ANKRD55: variants seen among roughly 807,000 people sequenced by gnomAD.
ANKRD55 encodes ankyrin repeat domain 55.
A neutral mutation model predicts 60.6 loss-of-function variants in ANKRD55; 41 were observed. The observed-to-expected ratio is 0.68, with a 90% CI of 0.53 to 0.88. The LOEUF (loss-of-function observed/expected upper bound fraction) is 0.88, where lower values mean the gene tolerates loss of function less well. Among genes scored for constraint, ANKRD55 ranks in the 40% least tolerant of loss-of-function variants. The pLI is 0.00. For missense variants in ANKRD55, 732 were observed against 767.6 expected (o/e 0.95, Z 0.55); for synonymous variants, 264 against 290.3 (o/e 0.91, Z 0.92).
At chr5:56,186,243 C>T (rs1158396710) in intron 2 of ANKRD55, among the ~76,000 whole-genome samples, 1 of 152,196 alleles carries the variant, frequency 6.6e-6, no homozygotes, top group African/African-American at 2.4e-5. Context: ...TCTTGGCTCA[C>T]TGCAGCCTTG....
chr5:56,188,354 C>A (rs1484212102), intron 2 of ANKRD55, among the ~76,000 whole-genome samples: 5 of 141,604 alleles, frequency 3.5e-5, no homozygotes, highest in African/African-American at 1.4e-4. Context: ...CGCAACCCCG[C>A]CACCCCCCTA....
At chr5:56,102,023 A>T (rs1035894922) in intron 11 of ANKRD55, among the ~76,000 whole-genome samples, 2 of 151,190 alleles carry the variant, frequency 1.3e-5, no homozygotes, top group African/African-American at 4.8e-5. Context: ...TAAGCATTTA[A>T]AAAAAAGCTT....
chr5:56,140,090 T>C (rs1461408348), intron 7 of ANKRD55, among the ~76,000 whole-genome samples: 1 of 152,182 alleles, frequency 6.6e-6, no homozygotes, highest in African/African-American at 2.4e-5. Flanking sequence ...TTCAATGAAC[T>C]ATAGCTTTAA....
chr5:56,222,942 C>G (rs1760006101), intron 2 of ANKRD55, among the ~76,000 whole-genome samples: 1 of 152,164 alleles, frequency 6.6e-6, no homozygotes, highest in Non-Finnish European at 1.5e-5. Context: ...GGATATTATC[C>G]AGGAGAACGT....
intron 8 of ANKRD55, among the ~76,000 whole-genome samples, chr5:56,118,825 C>A (rs1308116319): frequency 6.6e-6 from 1 of 151,930 alleles, no homozygotes; most frequent in East Asian, 1.9e-4. Context: ...AAATTAAAAC[C>A]ACAATGAAAT....
chr5:56,158,659 A>C (rs1758253583), intron 6 of ANKRD55, among the ~76,000 whole-genome samples: 1 of 152,132 alleles, frequency 6.6e-6, no homozygotes, highest in African/African-American at 2.4e-5. Context: ...GGTAACCCGG[A>C]ATTATTAATA....
intron 10 of ANKRD55, among the ~76,000 whole-genome samples, chr5:56,109,038 A>AACACACACACACAAACAC (rs1756583693): frequency 7.0e-6 from 1 of 143,878 alleles, no homozygotes; most frequent in African/African-American, 2.7e-5. Flanking sequence ...TCTGTCTCAA[A>AACACACACACACAAACAC]ACACACACAC....
chr5:56,187,929 T>G (rs1047438021), intron 2 of ANKRD55, among the ~76,000 whole-genome samples: 2 of 152,130 alleles, frequency 1.3e-5, no homozygotes, highest in Non-Finnish European at 2.9e-5. Context: ...TAACAATATC[T>G]TGGTCCACAA....
intron 10 of ANKRD55, among the ~76,000 whole-genome samples, chr5:56,106,088 C>T (rs1756456676): frequency 6.6e-6 from 1 of 152,164 alleles, no homozygotes; most frequent in Non-Finnish European, 1.5e-5. Context: ...ATAATCATTA[C>T]AGCTAAATGT....
intron 8 of ANKRD55, among the ~76,000 whole-genome samples, chr5:56,118,399 G>A (rs550163711): frequency 1.1e-4 from 16 of 152,302 alleles, no homozygotes; most frequent in African/African-American, 3.4e-4. Context: ...GCCAAGGCAG[G>A]TGGATCACAA....
intron 4 of ANKRD55, among the ~76,000 whole-genome samples, chr5:56,175,597 G>A (rs1224886268): frequency 6.6e-6 from 1 of 152,140 alleles, no homozygotes; most frequent in Non-Finnish European, 1.5e-5. Flanking sequence ...CTAGTATTAT[G>A]ACACAGTTGT....
At chr5:56,106,883 G>A (rs1364552852) in intron 10 of ANKRD55, among the ~76,000 whole-genome samples, 1 of 151,976 alleles carries the variant, frequency 6.6e-6, no homozygotes, top group Non-Finnish European at 1.5e-5. Flanking sequence ...AGGAGGAGAT[G>A]TGTCTGTAGT....
At chr5:56,192,464 C>A (rs1759121249) in intron 2 of ANKRD55, 1 of 212,348 alleles carries the variant, frequency 4.7e-6, no homozygotes, top group Admixed American at 6.0e-5. Context: ...AAGCAAAAGT[C>A]GCCGGTCCCA....
chr5:56,124,504 T>A (rs73126481), intron 8 of ANKRD55, among the ~76,000 whole-genome samples: 2 of 152,176 alleles, frequency 1.3e-5, no homozygotes, highest in South Asian at 4.1e-4. Flanking sequence ...CTATTTATTT[T>A]TGTTTTTTTT....
intron 2 of ANKRD55, among the ~76,000 whole-genome samples, chr5:56,219,490 C>A (rs776073236): frequency 1.3e-5 from 2 of 151,990 alleles, no homozygotes; most frequent in Non-Finnish European, 2.9e-5. Context: ...AAAGAGAAAA[C>A]AAAGAGCCCT....
At chr5:56,222,685 C>A (rs957766658) in intron 2 of ANKRD55, among the ~76,000 whole-genome samples, 21 of 152,292 alleles carry the variant, frequency 1.4e-4, no homozygotes, top group African/African-American at 5.1e-4. Context: ...AAAACCAAGG[C>A]ACGAGAACTA....
In ANKRD55 at chr5:56,102,536, G is replaced by GA; in HGVS notation, c.1680dup (p.Pro561SerfsTer44). ...GGAGCTAGGTTGTTCCGAGTGAAAG[G>GA]AAGATCCCTGATTTTGTGTCTGTTT... On this transcript the variant is annotated frameshift_variant, in exon 11 of 12. Transcript: ENST00000341048. LOFTEE classifies it low-confidence loss of function (END_TRUNC). 6.2e-7 allele frequency: 1 copy of GA among 1,613,802 alleles called. No individual in the cohort carries two copies. The highest frequency in any genetic ancestry group is 2.2e-5 in the East Asian group (1 of 44,842).
chr5:56,192,311 T>A (rs1454242309), intron 2 of ANKRD55, among the ~76,000 whole-genome samples: 1 of 152,152 alleles, frequency 6.6e-6, no homozygotes, highest in Non-Finnish European at 1.5e-5. Context: ...GGAAGAAACA[T>A]GAAGAAATAG....
intron 7 of ANKRD55, among the ~76,000 whole-genome samples, chr5:56,131,875 C>T (rs1055657444): frequency 3.3e-4 from 46 of 141,402 alleles, no homozygotes; most frequent in Admixed American, 2.8e-4. Flanking sequence ...CTCTGATTTA[C>T]GTAAAGAAAA....
Sources: gnomAD v4.1 joint callset for allele counts (sites outside exome capture counted in the v4.1 genomes callset) on GRCh38, gnomAD v4.1.1 for gene constraint, MANE v1.5 for transcripts, NCBI Gene and HGNC (gene_info 2026-07-23, HGNC 2026-07-21) for gene names.